Variants in SLC6A2 observed in about 807,000 individuals in gnomAD.
The protein encoded by SLC6A2 is sodium-dependent noradrenaline transporter.
In SLC6A2, 26 loss-of-function variants were observed where a neutral mutation model predicts 71.7. The ratio of observed to expected loss-of-function variants is 0.36; its 90% CI spans 0.27 to 0.50. SLC6A2 has a LOEUF of 0.50. SLC6A2 is among the 20% of genes least tolerant of loss of function. SLC6A2 has a pLI of 0.96. For missense variants in SLC6A2, 581 were observed against 803.9 expected (o/e 0.72, Z 3.35); for synonymous variants, 363 against 337.9 (o/e 1.07, Z -0.82).
intron 11 of SLC6A2, among the ~76,000 whole-genome samples, chr16:55,699,191 G>C (rs2142625309): frequency 6.6e-6 from 1 of 152,324 alleles, no homozygotes; most frequent in Non-Finnish European, 1.5e-5. Flanking sequence ...ATTGAAGTCA[G>C]GGAATGTGCT....
intron 5 of SLC6A2, 48 bp downstream of exon 5, chr16:55,685,329 G>A: frequency 6.3e-7 from 1 of 1,585,760 alleles, no homozygotes; most frequent in African/African-American, 1.3e-5. Flanking sequence ...ATCAACCTTG[G>A]GGGGTGTGAT....
chr16:55,695,747 G>A (rs1965777508), intron 8 of SLC6A2, among the ~76,000 whole-genome samples: 1 of 152,194 alleles, frequency 6.6e-6, no homozygotes, highest in Admixed American at 6.5e-5. Context: ...CGAATGGGAA[G>A]ACTGAGATGC....
At chr16:55,691,744 C>T (rs1283923693) in intron 5 of SLC6A2, among the ~76,000 whole-genome samples, 174 bp from the exon 6 acceptor site, 3 of 152,162 alleles carry the variant, frequency 2.0e-5, no homozygotes, top group African/African-American at 7.2e-5. Flanking sequence ...CTGGTCTAGC[C>T]CTGGATTCTG....
chr16:55,675,597 TA>T (rs1428399529), intron 4 of SLC6A2, among the ~76,000 whole-genome samples: 4 of 152,226 alleles, frequency 2.6e-5, no homozygotes, highest in Non-Finnish European at 5.9e-5. Flanking sequence ...CCCGCCATGA[TA>T]GAAATGGTCT....
At chr16:55,657,087 G>A in intron 2 of SLC6A2, 119 bp downstream of exon 2, 2 of 1,155,700 alleles carry the variant, frequency 1.7e-6, no homozygotes, top group Non-Finnish European at 2.5e-6. Flanking sequence ...CAAATCTGGG[G>A]CGCAGAAAGA....
At chr16:55,669,733 A>G (rs772038985) in intron 3 of SLC6A2, 37 bp downstream of exon 3, 54 of 1,613,006 alleles carry the variant, frequency 3.3e-5, no homozygotes, top group Non-Finnish European at 4.1e-5. Context: ...GGTTGTTCAT[A>G]AAGGCTTCCC....
chr16:55,691,383 AG>A (rs374458885), intron 5 of SLC6A2, among the ~76,000 whole-genome samples: 19 of 152,266 alleles, frequency 1.2e-4, no homozygotes, highest in South Asian at 6.2e-4. Context: ...GAGAGCACAA[AG>A]GTGGGTGTAC....
intron 2 of SLC6A2, among the ~76,000 whole-genome samples, chr16:55,658,432 G>A (rs1964518559): frequency 6.6e-6 from 1 of 152,092 alleles, no homozygotes; most frequent in African/African-American, 2.4e-5. Context: ...AGAATCACTT[G>A]AACCCGGGAT....
rs1193992130 is a variant in SLC6A2 at position 55,695,269 on chromosome 16, T to C, written c.1023-9T>C. ...AAGGGACTTGACCTCACTGTGCTTC[T>C]TCCCCCAGGGATGCCCTGCTGACCA... On this transcript the variant is annotated splice_polypyrimidine_tract_variant and intron_variant, in intron 7 of 14. Transcript: ENST00000568943. 1.2e-6 allele frequency: 2 copies of C among 1,613,974 alleles called. No homozygotes were observed. Among genetic ancestry groups the C allele is most frequent in the African/African-American group, 2.7e-5 (2 of 74,922 alleles).
rs1374659434 is a variant in SLC6A2 at position 55,706,021 on chromosome 16, CCT to C, written c.*3678_*3679del. 3 of 152,232 alleles carry C rather than the reference CCT, an allele frequency of 2.0e-5. No homozygotes were observed. Among genetic ancestry groups the C allele is most frequent in the African/African-American group, 7.2e-5 (3 of 41,440 alleles). 9.4% of individuals were successfully genotyped at this position (152,232 alleles called of 1,614,324 possible). ...CACTTTTGGGGTGCCTGCCCTCATC[CCT>C]CTGTCTCTCTGCTTCCGTGTAAATA... On this transcript the variant is annotated 3_prime_UTR_variant, in exon 15 of 15. Transcript: ENST00000568943.
intron 13 of SLC6A2, 83 bp downstream of exon 13, chr16:55,700,389 G>A (rs1461845860): frequency 2.4e-6 from 3 of 1,274,846 alleles, no homozygotes; most frequent in South Asian, 1.4e-5. Context: ...TGTTGGGGTG[G>A]GGGAAGGGAC....
chr16:55,700,243 C>T lies in SLC6A2; in HGVS notation c.1695C>T (p.Ser565=). The change falls in exon 13 of 15, where the codon TCC becomes TCT. Residue 565 remains serine (S), a synonymous_variant. Transcript: ENST00000568943. The part of the protein sequence containing the change: ...NWVGWGIALS[S]MVLVPIYVIY... ...TGGGGTGGGGCATCGCCCTGTCCTC[C>T]ATGGTCCTGGTGCCCATCTACGTCA... is the stretch of plus-strand genomic sequence containing the variant. The T allele has an allele frequency of 3.7e-6, 6 of 1,614,140 alleles. No homozygotes were observed. Among genetic ancestry groups the T allele is most frequent in the Non-Finnish European group, 5.1e-6 (6 of 1,180,016 alleles).
intron 4 of SLC6A2, among the ~76,000 whole-genome samples, chr16:55,673,839 G>T (rs1458648627): frequency 6.6e-6 from 1 of 152,170 alleles, no homozygotes; most frequent in Admixed American, 6.5e-5. Context: ...TGGGATTACA[G>T]GCGTGAGCCA....
At chr16:55,700,374 A>C in intron 13 of SLC6A2, 68 bp downstream of exon 13, 15 of 1,382,282 alleles carry the variant, frequency 1.1e-5, no homozygotes, top group African/African-American at 1.5e-5. Flanking sequence ...GACGACTCTC[A>C]TTCCTGTTGG....
chr16:55,705,085 T>C lies in SLC6A2; in HGVS notation c.*2739T>C. 1.3e-6 allele frequency: 1 copy of C among 776,696 alleles called. No homozygotes were observed. The highest frequency in any genetic ancestry group is 2.2e-6 in the Non-Finnish European group (1 of 463,536). The allele number at this position is 776,696 out of a possible 1,614,324, so 48.1% of individuals were successfully genotyped here. ...GTGTACTGTATATGACACTTGACGC[T>C]TTTGATATTTTTTCAGGTTTTTAAA... On this transcript the variant is annotated 3_prime_UTR_variant, in exon 15 of 15. Transcript: ENST00000568943.
intron 2 of SLC6A2, among the ~76,000 whole-genome samples, chr16:55,666,513 C>T (rs1235170631): frequency 6.6e-6 from 1 of 152,168 alleles, no homozygotes; most frequent in Non-Finnish European, 1.5e-5. Flanking sequence ...AAGGCACTGG[C>T]CGCGGGTAGC....
chr16:55,698,602 G>T, intron 11 of SLC6A2, 34 bp downstream of exon 11: 1 of 1,450,150 alleles, frequency 6.9e-7, no homozygotes, highest in Non-Finnish European at 9.7e-7. Flanking sequence ...TCAGCTCCCA[G>T]TCCTCCTAGA....
intron 9 of SLC6A2, among the ~76,000 whole-genome samples, chr16:55,696,885 G>C (rs1367516444): frequency 6.6e-6 from 1 of 152,304 alleles, no homozygotes; most frequent in Non-Finnish European, 1.5e-5. Context: ...TCAGGAGGCT[G>C]AGGTGGGAGG....
chr16:55,696,308 A>T lies in SLC6A2; in HGVS notation c.1231A>T (p.Met411Leu). 6.2e-7 allele frequency: 1 copy of T among 1,612,930 alleles called. No individual in the cohort carries two copies. The highest frequency in any genetic ancestry group is 1.1e-5 in the South Asian group (1 of 91,036). Reference protein sequence around the residue: ...STFWAVVFFVMLLALGLDSSM... With the variant: ...STFWAVVFFVLLLALGLDSSM... ...ATTCTGGGCTGTTGTGTTTTTCGTC[A>T]TGCTCCTGGCGCTGGGCCTTGACAG... is the stretch of plus-strand genomic sequence containing the variant. The change falls in exon 9 of 15, where the codon ATG (methionine) becomes TTG (leucine). Residue 411 changes from methionine (M) to leucine (L), a missense_variant. Coordinates refer to ENST00000568943, the MANE Select transcript of SLC6A2 (RefSeq NM_001172501.3).
Sources: allele counts gnomAD v4.1 joint callset (sites outside exome capture counted in the v4.1 genomes callset), GRCh38; gene constraint gnomAD v4.1.1; transcripts MANE v1.5; gene names NCBI Gene and HGNC (gene_info 2026-07-23, HGNC 2026-07-21).